DOK6: variants seen among roughly 807,000 people sequenced by gnomAD.
DOK6 encodes the protein downstream of tyrosine kinase 6.
A neutral mutation model predicts 44.0 loss-of-function variants in DOK6; 22 were observed. The ratio of observed to expected loss-of-function variants is 0.50; its 90% confidence interval spans 0.36 to 0.71. The LOEUF (loss-of-function observed/expected upper bound fraction) is 0.71, where lower values mean the gene tolerates loss of function less well. Ranked by LOEUF, DOK6 falls within the 30% of genes least tolerant of loss-of-function variation. DOK6 has a pLI of 0.00. For missense variants in DOK6, 340 were observed against 416.4 expected (o/e 0.82, Z 1.60); for synonymous variants, 166 against 145.5 (o/e 1.14, Z -1.01).
At chr18:69,443,067 C>T (rs151155403) in intron 1 of DOK6, among the ~76,000 whole-genome samples, 74 of 152,170 alleles carry the variant, frequency 4.9e-4, no homozygotes, top group African/African-American at 1.5e-3. Flanking sequence ...ACCAAAGATA[C>T]GAATACGCCT....
chr18:69,664,561 A>G (rs1270091438), intron 3 of DOK6, among the ~76,000 whole-genome samples: 1 of 152,208 alleles, frequency 6.6e-6, no homozygotes, highest in Non-Finnish European at 1.5e-5. Flanking sequence ...TAATGGTCAA[A>G]ACCACTAGCG....
chr18:69,700,382 T>C (rs890035487), intron 5 of DOK6, among the ~76,000 whole-genome samples: 2 of 151,988 alleles, frequency 1.3e-5, no homozygotes, highest in African/African-American at 2.4e-5. Flanking sequence ...AATTTAACTA[T>C]TTTGTCTGTT....
At chr18:69,538,472 TC>T (rs1257219598) in intron 1 of DOK6, among the ~76,000 whole-genome samples, 1 of 152,054 alleles carries the variant, frequency 6.6e-6, no homozygotes, top group Non-Finnish European at 1.5e-5. Flanking sequence ...AGCCTTGACC[TC>T]CTGGGCTCAA....
chr18:69,481,113 A>G (rs1325398981), intron 1 of DOK6, among the ~76,000 whole-genome samples: 1 of 152,184 alleles, frequency 6.6e-6, no homozygotes, highest in Non-Finnish European at 1.5e-5. Context: ...GGCACTTGGA[A>G]GAGAAGGACA....
At chr18:69,563,127 C>T (rs772214283) in intron 1 of DOK6, among the ~76,000 whole-genome samples, 9 of 152,100 alleles carry the variant, frequency 5.9e-5, no homozygotes, top group Non-Finnish European at 5.9e-5. Flanking sequence ...CTTAGAATGG[C>T]GATCATTAAA....
At chr18:69,552,917 G>T (rs1752861583) in intron 1 of DOK6, among the ~76,000 whole-genome samples, 2 of 152,256 alleles carry the variant, frequency 1.3e-5, no homozygotes, top group Admixed American at 1.3e-4. Context: ...ACAGAGATAT[G>T]ATGTGCTAAT....
chr18:69,752,745 G>C (rs1224560308), intron 6 of DOK6, among the ~76,000 whole-genome samples: 1 of 152,186 alleles, frequency 6.6e-6, no homozygotes, highest in East Asian at 1.9e-4. Flanking sequence ...TCCTGAGTCA[G>C]AGACAGAGGA....
intron 7 of DOK6, among the ~76,000 whole-genome samples, chr18:69,759,141 G>C (rs1471960502): frequency 6.6e-6 from 1 of 152,138 alleles, no homozygotes; most frequent in Non-Finnish European, 1.5e-5. Context: ...AACAGAATAA[G>C]GATTAGAGGG....
intron 1 of DOK6, among the ~76,000 whole-genome samples, chr18:69,405,948 C>T (rs139976720): frequency 1.8e-3 from 280 of 152,200 alleles, no homozygotes; most frequent in Non-Finnish European, 3.2e-3. Flanking sequence ...TATTGTGAAT[C>T]CTGGACATTG....
intron 7 of DOK6, among the ~76,000 whole-genome samples, chr18:69,777,338 T>C (rs988569921): frequency 5.3e-5 from 8 of 152,110 alleles, no homozygotes; most frequent in African/African-American, 1.4e-4. Flanking sequence ...ATTTGTTTAA[T>C]AGAAATAAAA....
At position 69,720,799 on chromosome 18, in the gene DOK6, C is replaced by T. The variant is rs562284096; in HGVS notation, c.600-18166C>T. ...AAGTTTTATTTTTATCAAAATAAAA[C>T]GAAAAAATTCTCTGTAAGGCAGTTC... On this transcript the variant is annotated intron_variant, in intron 5 of 7. Transcript: ENST00000382713. Among the ~76,000 whole-genome samples the T allele has an allele frequency of 3.1e-4, 47 of 151,998 alleles. 1 individual carries two copies. The highest frequency in any genetic ancestry group is 9.2e-4 in the Admixed American group (14 of 15,270).
chr18:69,712,569 G>A (rs1044376551), intron 5 of DOK6, among the ~76,000 whole-genome samples: 2 of 152,140 alleles, frequency 1.3e-5, no homozygotes, highest in Non-Finnish European at 1.5e-5. Context: ...TTGGGACCTG[G>A]CAAGGTGGCT....
chr18:69,549,790 G>A (rs539130184), intron 1 of DOK6, among the ~76,000 whole-genome samples: 23 of 151,152 alleles, frequency 1.5e-4, no homozygotes, highest in African/African-American at 4.6e-4. Context: ...ATAGTCTGTA[G>A]AGCTTAATGA....
intron 2 of DOK6, among the ~76,000 whole-genome samples, chr18:69,569,480 A>C (rs996518849): frequency 6.6e-6 from 1 of 152,208 alleles, no homozygotes; most frequent in Non-Finnish European, 1.5e-5. Context: ...GACAATTACA[A>C]TGTCCAATAT....
chr18:69,662,553 C>G (rs2030722156), intron 3 of DOK6: 1 of 152,138 alleles, frequency 6.6e-6, no homozygotes, highest in Admixed American at 6.6e-5. Context: ...GGACTTTTGT[C>G]TAAAGACCTC....
chr18:69,606,777 T>TTTTG (rs35031229), intron 3 of DOK6, among the ~76,000 whole-genome samples: 2 of 103,788 alleles, frequency 1.9e-5, no homozygotes, highest in Non-Finnish European at 4.3e-5. Context: ...TTTTTTTTTT[T>TTTTG]GGAGACAGAG....
At chr18:69,505,753 T>C (rs1981168895) in intron 1 of DOK6, among the ~76,000 whole-genome samples, 1 of 151,748 alleles carries the variant, frequency 6.6e-6, no homozygotes, top group Admixed American at 6.6e-5. Context: ...CACCTCAGAC[T>C]CCCAAAGTGC....
At chr18:69,491,051 A>G (rs1980721839) in intron 1 of DOK6, among the ~76,000 whole-genome samples, 1 of 152,230 alleles carries the variant, frequency 6.6e-6, no homozygotes, top group South Asian at 2.1e-4. Flanking sequence ...TATACTAAAC[A>G]TTCAGTAAGT....
At chr18:69,771,418 T>A (rs1599316694) in intron 7 of DOK6, among the ~76,000 whole-genome samples, 3 of 152,210 alleles carry the variant, frequency 2.0e-5, no homozygotes, top group African/African-American at 7.2e-5. Flanking sequence ...TGCTCTATTG[T>A]TTAGCATGCT....
Sources: gnomAD v4.1 joint callset for allele counts (sites outside exome capture counted in the v4.1 genomes callset) on GRCh38, gnomAD v4.1.1 for gene constraint, MANE v1.5 for transcripts, NCBI Gene and HGNC (gene_info 2026-07-23, HGNC 2026-07-21) for gene names.